ZFYVE26: variants seen among roughly 807,000 people sequenced by gnomAD.
The protein encoded by ZFYVE26 is zinc finger FYVE-type containing 26, also known as zinc finger FYVE domain-containing protein 26.
In ZFYVE26, 181 loss-of-function variants were observed where a neutral mutation model predicts 276.5. The ratio of observed to expected loss-of-function variants is 0.65; its 90% confidence interval spans 0.58 to 0.74. The LOEUF (loss-of-function observed/expected upper bound fraction) is 0.74, where lower values mean the gene tolerates loss of function less well. Among genes scored for constraint, ZFYVE26 ranks in the 30% least tolerant of loss-of-function variants. The pLI is 0.00. For synonymous variants in ZFYVE26, 1,129 were observed against 1,203.1 expected, an observed-to-expected ratio of 0.94 and a Z score of 1.27; for missense variants, 2,821 against 3,097.9, an observed-to-expected ratio of 0.91 and a Z score of 2.12.
At chr14:67,756,307 A>C in intron 35 of ZFYVE26, 162 bp from the exon 36 acceptor site, 1 of 786,426 alleles carries the variant, frequency 1.3e-6, no homozygotes, top group Non-Finnish European at 2.2e-6. Context: ...ATCTCATTCT[A>C]GCGACTGCTT....
At chr14:67,788,744 C>T (rs2039728365) in intron 16 of ZFYVE26, among the ~76,000 whole-genome samples, 1 of 152,164 alleles carries the variant, frequency 6.6e-6, no homozygotes, top group Non-Finnish European at 1.5e-5. Flanking sequence ...ACCTATTCAC[C>T]ACTCCTCCCT....
At chr14:67,814,858 C>T (rs191269146) in intron 2 of ZFYVE26, among the ~76,000 whole-genome samples, 1 of 152,322 alleles carries the variant, frequency 6.6e-6, no homozygotes, top group East Asian at 1.9e-4. Flanking sequence ...GAAGGGATCA[C>T]TTAAGTTTCT....
chr14:67,813,246 T>C (rs980355633), intron 3 of ZFYVE26, among the ~76,000 whole-genome samples: 1 of 152,170 alleles, frequency 6.6e-6, no homozygotes, highest in African/African-American at 2.4e-5. Context: ...AAGCAGAGGA[T>C]TGAGGTCAGA....
At chr14:67,751,999 T>C (rs990517571) in intron 40 of ZFYVE26, among the ~76,000 whole-genome samples, 6 of 152,218 alleles carry the variant, frequency 3.9e-5, no homozygotes, top group Non-Finnish European at 7.3e-5. Flanking sequence ...AAAGCCACCA[T>C]GGGAGGACAA....
At chr14:67,753,788 G>A in intron 38 of ZFYVE26, 22 bp from the exon 39 acceptor site, 1 of 1,488,708 alleles carries the variant, frequency 6.7e-7, no homozygotes, top group East Asian at 2.2e-5. Context: ...AGGGAATCAT[G>A]CTTAAAAACA....
intron 35 of ZFYVE26, among the ~76,000 whole-genome samples, chr14:67,758,335 C>G (rs1460039947): frequency 6.6e-6 from 1 of 152,180 alleles, no homozygotes; most frequent in Non-Finnish European, 1.5e-5. Flanking sequence ...GGCATTAGCT[C>G]TACAGGAGAG....
chr14:67,799,089 C>T, intron 10 of ZFYVE26: 1 of 1,219,466 alleles, frequency 8.2e-7, no homozygotes, highest in Non-Finnish European at 1.2e-6. Context: ...GACGAGGACT[C>T]TCCAGTGCTC....
intron 13 of ZFYVE26, chr14:67,733,973 A>G (rs997099618): frequency 1.4e-6 from 1 of 694,788 alleles, no homozygotes; most frequent in Non-Finnish European, 2.6e-6. Context: ...GCCTGCTCTG[A>G]TCCTCTTGAC....
At chr14:67,810,739 G>A (rs1215209614) in intron 3 of ZFYVE26, among the ~76,000 whole-genome samples, 1 of 152,116 alleles carries the variant, frequency 6.6e-6, no homozygotes, top group Non-Finnish European at 1.5e-5. Context: ...AATAAAAATA[G>A]CAAGAGTCTG....
At chr14:67,777,294 G>C (rs1425279010) in intron 25 of ZFYVE26, among the ~76,000 whole-genome samples, 3 of 152,230 alleles carry the variant, frequency 2.0e-5, no homozygotes, top group Non-Finnish European at 4.4e-5. Flanking sequence ...AAGAGGACCA[G>C]GTAGAATTCC....
intron 35 of ZFYVE26, among the ~76,000 whole-genome samples, chr14:67,757,690 C>CTCTT: frequency 7.3e-6 from 1 of 136,584 alleles, no homozygotes; most frequent in African/African-American, 2.9e-5. Flanking sequence ...TTCTCTCTCT[C>CTCTT]TTTCCTTTCT....
intron 10 of ZFYVE26, chr14:67,799,405 T>C (rs1853543357): frequency 6.2e-7 from 1 of 1,612,948 alleles, no homozygotes; most frequent in Non-Finnish European, 8.5e-7. Flanking sequence ...AAAGGAGGGC[T>C]CAGGAAGAGG....
chr14:67,806,695 G>A lies in ZFYVE26; in HGVS notation c.887-20C>T, dbSNP rs2040187690. 2 of 1,613,576 alleles carry A rather than the reference G, an allele frequency of 1.2e-6. No individual in the cohort carries two copies. Among genetic ancestry groups the A allele is most frequent in the Admixed American group, 1.7e-5 (1 of 59,970 alleles). ...GTGAGACTGAACATCAAACAAGACG[G>A]TTATCAGGAAACCAAGAACTCTTCT... is the stretch of plus-strand genomic sequence containing the variant. On this transcript the variant is annotated intron_variant, in intron 5 of 41. Transcript: ENST00000347230.
rs752029602 is a variant in ZFYVE26, at chr14:67,798,133, T to C, written c.2129A>G (p.Gln710Arg). Residue 710 changes from glutamine to arginine, a missense_variant, in exon 11 of 42, where the codon CAA (glutamine) becomes CGA (arginine). Gln to Arg is a conservative substitution (Grantham distance 43, BLOSUM62 1). Coordinates refer to ENST00000347230, the MANE Select transcript of ZFYVE26 (RefSeq NM_015346.4). ...SSRSPPEKPK[Q>R]ESQSCSGSRD... ...GCTTCCTGAGCAGCTCTGACTTTCT[T>C]GCTTTGGCTTCTCAGGAGGGCTGCG... 7 of 1,614,000 alleles carry C rather than the reference T, an allele frequency of 4.3e-6. No individual in the cohort carries two copies. Among genetic ancestry groups the C allele is most frequent in the Non-Finnish European group, 5.9e-6 (7 of 1,179,980 alleles).
intron 32 of ZFYVE26, 23 bp from the exon 33 acceptor site, chr14:67,762,842 G>C (rs745529147): frequency 6.2e-7 from 1 of 1,613,040 alleles, no homozygotes; most frequent in Admixed American, 1.7e-5. Flanking sequence ...AAAGGGCAAG[G>C]CCATGAGGCT....
chr14:67,799,691 T>G, intron 10 of ZFYVE26: 6 of 976,596 alleles, frequency 6.1e-6, no homozygotes, highest in Non-Finnish European at 9.5e-6. Context: ...AAGGCAAAAG[T>G]CAACTCAACT....
intron 13 of ZFYVE26, among the ~76,000 whole-genome samples, chr14:67,730,507 C>A (rs551070218): frequency 1.3e-5 from 2 of 152,168 alleles, no homozygotes; most frequent in African/African-American, 4.8e-5. Flanking sequence ...CAGAGTATTT[C>A]GGGTTTTAGA....
At chr14:67,785,410 C>A (rs181699955) in intron 18 of ZFYVE26, 133 bp from the exon 19 acceptor site, 8 of 805,790 alleles carry the variant, frequency 9.9e-6, no homozygotes, top group African/African-American at 8.5e-5. Context: ...GGACACTACA[C>A]TTACAAGGCA....
At chr14:67,782,570 G>T (rs2039529276) in intron 21 of ZFYVE26, among the ~76,000 whole-genome samples, 1 of 152,144 alleles carries the variant, frequency 6.6e-6, no homozygotes, top group African/African-American at 2.4e-5. Flanking sequence ...GCTGTTTAAA[G>T]TCAGATGGAC....
Sources: allele counts gnomAD v4.1 joint callset (sites outside exome capture counted in the v4.1 genomes callset), GRCh38; gene constraint gnomAD v4.1.1; transcripts MANE v1.5; gene names NCBI Gene and HGNC (gene_info 2026-07-23, HGNC 2026-07-21).